The following NELL1 variants were observed in gnomAD, a reference collection of about 807,000 sequenced individuals.
NELL1 encodes the protein neural EGFL like 1.
Under a neutral mutation model 107.4 loss-of-function variants are expected in NELL1, and 76 were observed. That is an observed-to-expected ratio of 0.71 (90% CI 0.59 to 0.86). NELL1 has a LOEUF of 0.86. Among genes scored for constraint, NELL1 ranks in the 40% least tolerant of loss-of-function variants. The pLI is 0.00. For missense variants in NELL1, 1,024 were observed against 1,005.5 expected (o/e 1.02, Z -0.25); for synonymous variants, 353 against 341.2 (o/e 1.03, Z -0.38).
At chr11:20,855,138 G>T in intron 4 of NELL1, among the ~76,000 whole-genome samples, 1 of 151,618 alleles carries the variant, frequency 6.6e-6, no homozygotes, top group East Asian at 1.9e-4. Flanking sequence ...AACATCAGTA[G>T]CAGACCTATT....
At chr11:21,301,431 G>A (rs1168292634) in intron 14 of NELL1, among the ~76,000 whole-genome samples, 2 of 151,970 alleles carry the variant, frequency 1.3e-5, no homozygotes, top group Admixed American at 6.6e-5. Context: ...TTTAATGATC[G>A]CCATTCTAAC....
chr11:21,281,700 G>A (rs1290181917), intron 14 of NELL1, among the ~76,000 whole-genome samples: 3 of 152,138 alleles, frequency 2.0e-5, no homozygotes, highest in Admixed American at 1.3e-4. Flanking sequence ...CAGAGAGAGA[G>A]AGAGACTCCA....
intron 2 of NELL1, among the ~76,000 whole-genome samples, chr11:20,759,975 G>T (rs145631751): frequency 1.0e-3 from 157 of 152,258 alleles, no homozygotes; most frequent in African/African-American, 3.7e-3. Flanking sequence ...AAACATAGTG[G>T]CTCCAACCCT....
Position 21,366,468 on chromosome 11 carries a change from A to T in NELL1, c.1550-4385A>T, listed in dbSNP as rs192330273. ...TCACTGTCTATAGGGGCCAGCTTTT[A>T]TTTATTTAAACAGTTATTTTTAATA... On this transcript the variant is annotated intron_variant, in intron 14 of 19. Coordinates refer to ENST00000357134, the MANE Select transcript of NELL1 (RefSeq NM_006157.5). 3.8e-3 allele frequency among the ~76,000 whole-genome samples: 576 copies of T among 152,198 alleles called. 5 individuals are homozygous for T. The highest frequency in any genetic ancestry group is 3.2e-3 in the Non-Finnish European group (220 of 68,000).
chr11:20,674,428 G>A (rs1853998822), intron 1 of NELL1: 4 of 1,297,208 alleles, frequency 3.1e-6, no homozygotes, highest in Non-Finnish European at 4.3e-6. Context: ...TCATGAGTCT[G>A]GTGTAACAGG....
chr11:21,243,972 A>G (rs1008180455), intron 14 of NELL1, among the ~76,000 whole-genome samples: 1 of 152,128 alleles, frequency 6.6e-6, no homozygotes, highest in African/African-American at 2.4e-5. Flanking sequence ...GAGCAGCCCA[A>G]GTCTGGCTTT....
At chr11:21,279,127 A>T (rs774037248) in intron 14 of NELL1, among the ~76,000 whole-genome samples, 32 of 152,184 alleles carry the variant, frequency 2.1e-4, no homozygotes, top group Non-Finnish European at 1.5e-5. Flanking sequence ...AGTAAAAATA[A>T]ATCAAAATGG....
At chr11:21,232,756 C>T (rs565624085) in intron 14 of NELL1, among the ~76,000 whole-genome samples, 2 of 152,130 alleles carry the variant, frequency 1.3e-5, no homozygotes, top group South Asian at 2.1e-4. Context: ...CGGCTTCAAG[C>T]GATTATCCTG....
chr11:21,389,072 C>A (rs1369441681), intron 15 of NELL1, among the ~76,000 whole-genome samples: 1 of 151,772 alleles, frequency 6.6e-6, no homozygotes, highest in Non-Finnish European at 1.5e-5. Context: ...AAGCAGAGAA[C>A]CTTATCATAC....
intron 2 of NELL1, among the ~76,000 whole-genome samples, chr11:20,695,338 G>A (rs1023055089): frequency 2.6e-5 from 4 of 152,114 alleles, no homozygotes; most frequent in Admixed American, 2.6e-4. Flanking sequence ...GTGTTGAATA[G>A]GAGTGGTGAA....
At chr11:20,786,300 A>G (rs540771051) in intron 3 of NELL1, among the ~76,000 whole-genome samples, 1 of 150,072 alleles carries the variant, frequency 6.7e-6, no homozygotes, top group South Asian at 2.2e-4. Flanking sequence ...CAGTGAGCCA[A>G]GATTGCACCA....
intron 14 of NELL1, among the ~76,000 whole-genome samples, chr11:21,241,305 A>G (rs1260293311): frequency 6.6e-6 from 1 of 152,132 alleles, no homozygotes; most frequent in Non-Finnish European, 1.5e-5. Flanking sequence ...CTATTATAGA[A>G]TGGCAGCCAG....
chr11:21,422,989 A>G (rs1306884775), intron 15 of NELL1, among the ~76,000 whole-genome samples: 4 of 152,174 alleles, frequency 2.6e-5, no homozygotes, highest in African/African-American at 9.7e-5. Flanking sequence ...GAAAATATGG[A>G]AAAAGATATT....
At chr11:21,248,216 G>C (rs180844437) in intron 14 of NELL1, among the ~76,000 whole-genome samples, 2 of 151,926 alleles carry the variant, frequency 1.3e-5, no homozygotes, top group Non-Finnish European at 2.9e-5. Flanking sequence ...GTGGTGGCAC[G>C]CACCTTGTGG....
At chr11:20,972,370 A>AG in intron 12 of NELL1, among the ~76,000 whole-genome samples, 1 of 152,204 alleles carries the variant, frequency 6.6e-6, no homozygotes, top group Non-Finnish European at 1.5e-5. Flanking sequence ...GTAGTTAGGA[A>AG]GGGGAGGGCT....
At chr11:21,476,125 A>G (rs2133892773) in intron 15 of NELL1, among the ~76,000 whole-genome samples, 1 of 152,276 alleles carries the variant, frequency 6.6e-6, no homozygotes, top group South Asian at 2.1e-4. Context: ...ATCATTACCA[A>G]AAAATAGAAA....
At chr11:20,755,534 G>GT (rs1364309032) in intron 2 of NELL1, among the ~76,000 whole-genome samples, 10 of 90,308 alleles carry the variant, frequency 1.1e-4, no homozygotes, top group African/African-American at 2.4e-4. Context: ...ACCTGTGTGG[G>GT]TTTTTGTTTT....
chr11:20,817,729 A>G (rs142511109), intron 3 of NELL1, among the ~76,000 whole-genome samples: 3 of 150,034 alleles, frequency 2.0e-5, no homozygotes, highest in African/African-American at 7.3e-5. Context: ...TGTTATGTTA[A>G]TTGTTGATTT....
At chr11:21,497,854 A>G (rs970095188) in intron 15 of NELL1, among the ~76,000 whole-genome samples, 9 of 152,040 alleles carry the variant, frequency 5.9e-5, no homozygotes, top group Admixed American at 2.0e-4. Context: ...ATTGTATACA[A>G]GTTTATACCT....
Sources: allele counts gnomAD v4.1 joint callset (sites outside exome capture counted in the v4.1 genomes callset), GRCh38; gene constraint gnomAD v4.1.1; transcripts MANE v1.5; gene names NCBI Gene and HGNC (gene_info 2026-07-23, HGNC 2026-07-21).